MYO10: variants seen among roughly 807,000 people sequenced by gnomAD.
MYO10 encodes the protein unconventional myosin-X.
A neutral mutation model predicts 257.3 loss-of-function variants in MYO10; 133 were observed. The observed-to-expected ratio is 0.52, with a 90% CI of 0.45 to 0.60. MYO10 has a LOEUF of 0.60. Among genes scored for constraint, MYO10 ranks in the 20% least tolerant of loss-of-function variants. The pLI, the probability that MYO10 is intolerant of heterozygous loss-of-function variation, is 0.00. For missense variants in MYO10, 2,399 were observed against 2,635.7 expected (o/e 0.91, Z 1.97); for synonymous variants, 1,104 against 1,028.6 (o/e 1.07, Z -1.40).
At chr5:16,679,716 G>A (rs1190625970) in intron 33 of MYO10, among the ~76,000 whole-genome samples, 1 of 151,890 alleles carries the variant, frequency 6.6e-6, no homozygotes, top group African/African-American at 2.4e-5. Flanking sequence ...GTAGAGATAC[G>A]GTTTCATCAT....
intron 9 of MYO10, among the ~76,000 whole-genome samples, chr5:16,778,759 C>T (rs183688231): frequency 1.4e-5 from 2 of 145,380 alleles, no homozygotes; most frequent in African/African-American, 2.6e-5. Context: ...TGCGCGATCT[C>T]GGCTCACTGC....
At position 16,701,419 on chromosome 5, in the gene MYO10, C is replaced by T. The variant is rs1738062818; in HGVS notation, c.2976G>A (p.Glu992=). The part of the protein sequence containing the change: ...FNFSQPYPEE[E]VDEGFEADDD... ...CGTCGGCTTCGAAGCCCTCATCGAC[C>T]TCCTCCTCTGGGTAGGGCTGGCTGA... Residue 992 remains glutamate, a synonymous_variant, in exon 25 of 41, where the codon GAG becomes GAA. Transcript: ENST00000513610. The surrounding 1 kb of genome is among the most constrained non-coding windows in gnomAD (Gnocchi z 8.1). 3.1e-6 allele frequency: 5 copies of T among 1,614,028 alleles called. No individual in the cohort carries two copies. The highest frequency in any genetic ancestry group is 4.2e-6 in the Non-Finnish European group (5 of 1,179,896).
chr5:16,762,538 G>C lies in MYO10; in HGVS notation c.1587+7C>G, dbSNP rs572781892. 1.9e-6 allele frequency: 3 copies of C among 1,594,822 alleles called. No individual in the cohort carries two copies. The highest frequency in any genetic ancestry group is 2.6e-6 in the Non-Finnish European group (3 of 1,168,590). ...AATGTGATGAAGAATTGCAGGTTTTGACATACCGCATGCTGACTGTGTAGC... is the reference window on the plus strand; with the variant it reads ...AATGTGATGAAGAATTGCAGGTTTTCACATACCGCATGCTGACTGTGTAGC... On this transcript the variant is annotated splice_region_variant and intron_variant, in intron 15 of 40. Coordinates refer to ENST00000513610, the MANE Select transcript of MYO10 (RefSeq NM_012334.3).
intron 2 of MYO10, among the ~76,000 whole-genome samples, chr5:16,839,799 C>T (rs1226425720): frequency 4.1e-5 from 6 of 147,918 alleles, no homozygotes; most frequent in Non-Finnish European, 7.6e-5. Flanking sequence ...TTTTGCCAAA[C>T]CGTAGGCTAA....
At chr5:16,865,538 T>C (rs1013934898) in intron 2 of MYO10, among the ~76,000 whole-genome samples, 1 of 152,132 alleles carries the variant, frequency 6.6e-6, no homozygotes, top group African/African-American at 2.4e-5. Context: ...AGTTTAAAAA[T>C]AAATTACAAT....
intron 1 of MYO10, among the ~76,000 whole-genome samples, chr5:16,882,330 A>G (rs1033190302): frequency 6.6e-6 from 1 of 152,240 alleles, no homozygotes. Context: ...AAAATGGTAC[A>G]TCTGCTTTGG....
intron 1 of MYO10, among the ~76,000 whole-genome samples, chr5:16,895,628 G>A (rs1182204877): frequency 1.3e-5 from 2 of 151,850 alleles, no homozygotes; most frequent in Non-Finnish European, 2.9e-5. Flanking sequence ...GCAGGACACT[G>A]AGACACCCAA....
intron 2 of MYO10, among the ~76,000 whole-genome samples, chr5:16,865,764 T>C (rs1309860407): frequency 6.6e-6 from 1 of 151,354 alleles, no homozygotes; most frequent in Non-Finnish European, 1.5e-5. Context: ...TGAGCCAAGA[T>C]CGCACCACTA....
At chr5:16,685,702 G>C (rs375770322) in intron 29 of MYO10, 36 bp downstream of exon 29, 18 of 807,718 alleles carry the variant, frequency 2.2e-5, no homozygotes, top group East Asian at 4.1e-5. Context: ...CCTGCCCCTA[G>C]ACGCCCCACC....
At chr5:16,681,179 G>GTT in intron 32 of MYO10, 130 bp downstream of exon 32, 1 of 1,013,918 alleles carries the variant, frequency 9.9e-7, no homozygotes, top group Non-Finnish European at 1.4e-6. Flanking sequence ...AGGCTTAGAA[G>GTT]ATAAACCAAG....
intron 8 of MYO10, among the ~76,000 whole-genome samples, chr5:16,780,049 G>A (rs568599947): frequency 9.9e-5 from 15 of 151,946 alleles, no homozygotes; most frequent in Non-Finnish European, 1.6e-4. Context: ...TTACAGGCAC[G>A]AACCACCATG....
chr5:16,751,206 G>A (rs1458220631), intron 19 of MYO10, among the ~76,000 whole-genome samples: 1 of 152,008 alleles, frequency 6.6e-6, no homozygotes, highest in African/African-American at 2.4e-5. Context: ...CTCTGGAGAG[G>A]AAGAAGGCAA....
chr5:16,687,365 GA>G (rs1237818759), intron 28 of MYO10, among the ~76,000 whole-genome samples: 6 of 150,812 alleles, frequency 4.0e-5, no homozygotes, highest in Admixed American at 1.3e-4. Context: ...GTCAACTTAA[GA>G]AAAATCAAGC....
intron 1 of MYO10, among the ~76,000 whole-genome samples, chr5:16,882,994 C>A (rs568092291): frequency 6.6e-6 from 1 of 151,416 alleles, no homozygotes; most frequent in African/African-American, 2.4e-5. Flanking sequence ...CGGCTCACTG[C>A]AAGCTCTGCC....
At chr5:16,757,601 AT>A (rs1301018811) in intron 18 of MYO10, among the ~76,000 whole-genome samples, 1 of 152,144 alleles carries the variant, frequency 6.6e-6, no homozygotes, top group African/African-American at 2.4e-5. Flanking sequence ...ATAGCCATTT[AT>A]TTTTTTAAAA....
intron 1 of MYO10, among the ~76,000 whole-genome samples, chr5:16,934,130 A>C (rs1039583507): frequency 1.3e-5 from 2 of 152,256 alleles, no homozygotes; most frequent in African/African-American, 4.8e-5. Flanking sequence ...TAAGGTATCC[A>C]GTGCAAGATG....
Position 16,685,806 on chromosome 5 carries a change from C to T in MYO10, c.3922G>A (p.Val1308Ile). ...ASQWFSVLSQVHASTDQEIQE... is the reference protein window; with the variant it reads ...ASQWFSVLSQIHASTDQEIQE... ...ATCTCCTGGTCCGTGGACGCGTGGACCTGACTCAGCACGCTGAACCACTGG... is the reference window on the plus strand; with the variant it reads ...ATCTCCTGGTCCGTGGACGCGTGGATCTGACTCAGCACGCTGAACCACTGG... The change falls in exon 29 of 41, where the codon GTC (valine) becomes ATC (isoleucine). Residue 1308 changes from valine to isoleucine, a missense_variant. Val to Ile is a conservative substitution (Grantham distance 29). Around this residue, in one of 3 missense-constraint regions of MYO10, gnomAD observed 1,820 missense variants for 1,939.4 expected, o/e 0.94. Transcript: ENST00000513610. The T allele has an allele frequency of 1.2e-6, 2 of 1,601,616 alleles. No individual in the cohort carries two copies. The highest frequency in any genetic ancestry group is 1.7e-6 in the Non-Finnish European group (2 of 1,174,482).
chr5:16,822,789 G>A (rs1742862059), intron 2 of MYO10, among the ~76,000 whole-genome samples: 1 of 151,746 alleles, frequency 6.6e-6, no homozygotes, highest in Admixed American at 6.6e-5. Flanking sequence ...CCAGGTTCAG[G>A]CCATTCTCCT....
intron 1 of MYO10, among the ~76,000 whole-genome samples, chr5:16,919,882 G>A (rs1178612472): frequency 6.6e-6 from 1 of 152,128 alleles, no homozygotes; most frequent in East Asian, 1.9e-4. Context: ...GGTGGCTAAG[G>A]TGGGTGGATC....
Sources: allele counts gnomAD v4.1 joint callset (sites outside exome capture counted in the v4.1 genomes callset), GRCh38; gene constraint gnomAD v4.1.1; regional missense constraint gnomAD v4.1.1; non-coding constraint Gnocchi (gnomAD v3.1); transcripts MANE v1.5; gene names NCBI Gene and HGNC (gene_info 2026-07-23, HGNC 2026-07-21).